The following POMGNT2 variants were observed in gnomAD, a reference collection of about 807,000 sequenced individuals.
The protein encoded by POMGNT2 is protein O-linked-mannose beta-1,4-N-acetylglucosaminyltransferase 2.
A neutral mutation model predicts 37.8 loss-of-function variants in POMGNT2; 32 were observed. The ratio of observed to expected loss-of-function variants is 0.85; its 90% CI spans 0.64 to 1.14. The LOEUF (loss-of-function observed/expected upper bound fraction) is 1.14, where lower values mean the gene tolerates loss of function less well. Ranked by LOEUF, POMGNT2 falls within the 50% of genes most tolerant of loss-of-function variation. POMGNT2 has a pLI of 0.00. For synonymous variants in POMGNT2, 340 were observed against 336.8 expected, an observed-to-expected ratio of 1.01 and a Z score of -0.10; for missense variants, 705 against 780.6, an observed-to-expected ratio of 0.90 and a Z score of 1.15.
chr3:43,091,426 G>A (rs2089942157), intron 1 of POMGNT2, among the ~76,000 whole-genome samples: 1 of 152,136 alleles, frequency 6.6e-6, no homozygotes, highest in African/African-American at 2.4e-5. Flanking sequence ...ATATTGATAT[G>A]AATAAATAAT....
intron 1 of POMGNT2, among the ~76,000 whole-genome samples, chr3:43,082,669 C>T (rs997986419): frequency 2.0e-5 from 3 of 152,182 alleles, no homozygotes; most frequent in African/African-American, 4.8e-5. Flanking sequence ...ACAGCTGACA[C>T]CTGCAGGGCA....
Position 43,079,750 on chromosome 3 carries a change from C to A in POMGNT2, c.1682G>T (p.Arg561Leu). The A allele has an allele frequency of 6.2e-7, 1 of 1,614,170 alleles. No individual in the cohort carries two copies. ...KPFTTYLVWVRCIFNKILLGP... is the reference protein window; with the variant it reads ...KPFTTYLVWVLCIFNKILLGP... ...CAGGAGGATCTTGTTGAAGATGCAG[C>A]GGACCCACACCAGGTAGGTGGTGAA... Residue 561 changes from arginine to leucine, a missense_variant, in exon 2 of 2, where the codon CGC (arginine) becomes CTC (leucine). Coordinates refer to ENST00000344697, the MANE Select transcript of POMGNT2 (RefSeq NM_032806.6).
In POMGNT2 at chr3:43,081,361, C is replaced by G. The variant is rs139245562; in HGVS notation, c.71G>C (p.Arg24Pro). 1 of 1,608,778 alleles carries G rather than the reference C, an allele frequency of 6.2e-7. No individual in the cohort carries two copies. The highest frequency in any genetic ancestry group is 1.3e-5 in the African/African-American group (1 of 74,916). Residue 24 changes from arginine to proline, a missense_variant, in exon 2 of 2, where the codon CGG becomes CCG. Coordinates refer to ENST00000344697, the MANE Select transcript of POMGNT2 (RefSeq NM_032806.6). The part of the protein sequence containing the change: ...VLAAVLWKHV[R>P]LREHAATLEE... ...CAGTGTGGCTGCATGCTCACGCAGC[C>G]GCACATGCTTCCACAGGACCGCTGC... is the stretch of plus-strand genomic sequence containing the variant.
At position 43,105,837 on chromosome 3, in the gene POMGNT2, TGAA is replaced by T. The variant is rs1317703284; in HGVS notation, c.-110_-108del. On this transcript the variant is annotated splice_region_variant and 5_prime_UTR_variant, in exon 1 of 2. Coordinates refer to ENST00000344697, the MANE Select transcript of POMGNT2 (RefSeq NM_032806.6). ...GCCCCAAGCGCGCGCGCGTCTTACC[TGAA>T]GCCTGGACTCCGCGGGACGAAGCCA... 1 of 151,764 alleles carries T rather than the reference TGAA, an allele frequency of 6.6e-6. No individual in the cohort carries two copies. Among genetic ancestry groups the T allele is most frequent in the Non-Finnish European group, 1.5e-5 (1 of 67,930 alleles). The allele number at this position is 151,764 out of a possible 1,614,324, so 9.4% of individuals were successfully genotyped here. A position where few individuals can be genotyped will look rare whatever the true frequency, so the allele number is the denominator to read the frequency against.
chr3:43,105,608 G>C (rs1239743367), intron 1 of POMGNT2, among the ~76,000 whole-genome samples: 85 of 146,988 alleles, frequency 5.8e-4, no homozygotes, highest in African/African-American at 2.0e-3. Context: ...GACCCTGAGG[G>C]TCCACCCCCG....
chr3:43,099,929 T>A (rs2090005480), intron 1 of POMGNT2, among the ~76,000 whole-genome samples: 1 of 152,178 alleles, frequency 6.6e-6, no homozygotes, highest in African/African-American at 2.4e-5. Flanking sequence ...GCAATGATAA[T>A]CTTTATTTTA....
chr3:43,085,763 C>CA (rs535364234), intron 1 of POMGNT2, among the ~76,000 whole-genome samples: 3,360 of 143,298 alleles, frequency 0.023, 119 homozygotes, highest in African/African-American at 0.078. Context: ...GTATTTACAG[C>CA]AAAAAAAAAA....
intron 1 of POMGNT2, among the ~76,000 whole-genome samples, chr3:43,103,642 G>A (rs752934267): frequency 6.6e-6 from 1 of 152,076 alleles, no homozygotes; most frequent in East Asian, 1.9e-4. Context: ...CACTTGGTGC[G>A]GGAAGACTCC....
intron 1 of POMGNT2, among the ~76,000 whole-genome samples, chr3:43,095,564 C>CT (rs2089973982): frequency 6.6e-6 from 1 of 152,238 alleles, no homozygotes; most frequent in African/African-American, 2.4e-5. Flanking sequence ...TGCTTCAGTG[C>CT]TTCTCGGCTG....
intron 1 of POMGNT2, among the ~76,000 whole-genome samples, chr3:43,089,722 C>T (rs564992149): frequency 4.6e-5 from 7 of 152,046 alleles, no homozygotes; most frequent in African/African-American, 7.2e-5. Context: ...GATGGCAATT[C>T]GAGTCCCAAA....
rs778890364 is a variant in POMGNT2, at chr3:43,080,247, G to A, written c.1185C>T (p.Asn395=). 3.7e-6 allele frequency: 6 copies of A among 1,614,184 alleles called. No homozygotes were observed. Among genetic ancestry groups the A allele is most frequent in the Non-Finnish European group, 4.2e-6 (5 of 1,180,034 alleles). ...GTGTGACTGTGTTCTCTGGCATCAT[G>A]TTCCGCCAGGCTACATACTGGAGGT... ...GMDLQYVAWR[N]MMPENTVTHP... Residue 395 remains asparagine, a synonymous_variant, in exon 2 of 2, where the codon AAC becomes AAT. Coordinates refer to ENST00000344697, the MANE Select transcript of POMGNT2 (RefSeq NM_032806.6).
rs1426704848 is a variant in POMGNT2 at position 43,081,321 on chromosome 3, G to A, written c.111C>T (p.Ala37=). Residue 37 remains alanine, a synonymous_variant, in exon 2 of 2, where the codon GCC becomes GCT. Coordinates refer to ENST00000344697, the MANE Select transcript of POMGNT2 (RefSeq NM_032806.6). ...CTGGCTCTGTGGCCTGTCGGCTGAGGGCCAGCTCCTCCTCCAGTGTGGCTG... is the reference window on the plus strand; with the variant it reads ...CTGGCTCTGTGGCCTGTCGGCTGAGAGCCAGCTCCTCCTCCAGTGTGGCTG... ...EHAATLEEEL[A]LSRQATEPAP... The A allele has an allele frequency of 6.2e-7, 1 of 1,611,732 alleles. No homozygotes were observed. The highest frequency in any genetic ancestry group is 1.1e-5 in the South Asian group (1 of 91,064).
At position 43,098,348 on chromosome 3, in the gene POMGNT2, T is replaced by C. The variant is rs1030695709; in HGVS notation, c.-106+7488A>G. Among the ~76,000 whole-genome samples the C allele has an allele frequency of 1.3e-5, 2 of 152,094 alleles. No homozygotes were observed. On this transcript the variant is annotated intron_variant, in intron 1 of 1. Coordinates refer to ENST00000344697, the MANE Select transcript of POMGNT2 (RefSeq NM_032806.6). The surrounding 1 kb of genome is among the most constrained non-coding windows in gnomAD (Gnocchi z 4.3). ...AAGCTTATCCTCAGAATGATCTCTT[T>C]CCCCCTCCTTTTTTTTTGGTTATCT...
intron 1 of POMGNT2, among the ~76,000 whole-genome samples, chr3:43,100,146 AC>A (rs1401259586): frequency 6.6e-6 from 1 of 150,648 alleles, no homozygotes; most frequent in Non-Finnish European, 1.5e-5. Context: ...TGCTAATTTG[AC>A]ATCTTTGTTT....
At chr3:43,085,989 AC>A (rs1169544002) in intron 1 of POMGNT2, among the ~76,000 whole-genome samples, 3 of 152,130 alleles carry the variant, frequency 2.0e-5, no homozygotes, top group Non-Finnish European at 4.4e-5. Flanking sequence ...TCTTTTCTCC[AC>A]CTTTCAGTCT....
chr3:43,097,205 T>G (rs1276141496), intron 1 of POMGNT2, among the ~76,000 whole-genome samples: 1 of 152,164 alleles, frequency 6.6e-6, no homozygotes, highest in Non-Finnish European at 1.5e-5. Context: ...AGGTGCACAC[T>G]CACATGCCTG....
In POMGNT2 at chr3:43,081,011, G is replaced by C; in HGVS notation, c.421C>G (p.Arg141Gly). 3.1e-6 allele frequency: 5 copies of C among 1,614,234 alleles called. No individual in the cohort carries two copies. Among genetic ancestry groups the C allele is most frequent in the Non-Finnish European group, 4.2e-6 (5 of 1,180,040 alleles). The change falls in exon 2 of 2, where the codon CGC becomes GGC. Residue 141 changes from arginine to glycine, a missense_variant. Arg to Gly is a moderately radical substitution (Grantham distance 125, BLOSUM62 -2). Coordinates refer to ENST00000344697, the MANE Select transcript of POMGNT2 (RefSeq NM_032806.6). ...NFVELPAAALRFMPKPVFVPD... is the reference protein window; with the variant it reads ...NFVELPAAALGFMPKPVFVPD... The stretch of plus-strand genomic sequence containing the variant: ...ACGAACACCGGCTTGGGCATGAAGC[G>C]CAGGGCAGCAGCAGGCAGCTCCACG...
intron 1 of POMGNT2, among the ~76,000 whole-genome samples, chr3:43,091,279 T>C (rs1575469476): frequency 1.4e-5 from 2 of 140,384 alleles, no homozygotes; most frequent in Admixed American, 1.4e-4. Context: ...AAAAAAAAAA[T>C]GATGGGGAGA....
intron 1 of POMGNT2, among the ~76,000 whole-genome samples, chr3:43,103,786 C>T (rs747394145): frequency 6.6e-6 from 1 of 152,138 alleles, no homozygotes; most frequent in Non-Finnish European, 1.5e-5. Context: ...GATATGAATT[C>T]CCATCCCTGT....
Sources: gnomAD v4.1 joint callset for allele counts (sites outside exome capture counted in the v4.1 genomes callset) on GRCh38, gnomAD v4.1.1 for gene constraint, Gnocchi (gnomAD v3.1) non-coding constraint, MANE v1.5 for transcripts, NCBI Gene and HGNC (gene_info 2026-07-23, HGNC 2026-07-21) for gene names.